Variants in SNTG2 observed in about 807,000 individuals in gnomAD.
SNTG2 encodes gamma-2-syntrophin.
Under a neutral mutation model 70.9 loss-of-function variants are expected in SNTG2, and 74 were observed. The observed-to-expected ratio is 1.04, with a 90% CI of 0.86 to 1.27. The LOEUF is 1.27. SNTG2 is among the 50% of genes most tolerant of loss of function. SNTG2 has a pLI of 0.00. For missense variants in SNTG2, 717 were observed against 690.7 expected (o/e 1.04, Z -0.43); for synonymous variants, 278 against 273.8 (o/e 1.02, Z -0.15).
At chr2:1,046,827 A>G (rs1401283109) in intron 1 of SNTG2, among the ~76,000 whole-genome samples, 1 of 151,974 alleles carries the variant, frequency 6.6e-6, no homozygotes, top group Non-Finnish European at 1.5e-5. Flanking sequence ...TCTGATGACT[A>G]TATGTCTTGG....
At chr2:1,043,848 A>C (rs1230108770) in intron 1 of SNTG2, among the ~76,000 whole-genome samples, 1 of 152,184 alleles carries the variant, frequency 6.6e-6, no homozygotes, top group African/African-American at 2.4e-5. Flanking sequence ...AGGTCATGTG[A>C]TGCCCCCAGG....
intron 6 of SNTG2, among the ~76,000 whole-genome samples, chr2:1,145,466 G>A (rs1669037329): frequency 6.6e-6 from 1 of 152,158 alleles, no homozygotes; most frequent in African/African-American, 2.4e-5. Flanking sequence ...TGGATAAAAT[G>A]CACCAATTCC....
chr2:1,212,064 A>G (rs1460248710), intron 9 of SNTG2, among the ~76,000 whole-genome samples: 1 of 151,998 alleles, frequency 6.6e-6, no homozygotes, highest in Non-Finnish European at 1.5e-5. Flanking sequence ...GCTATCACAC[A>G]CTGATTTGGT....
At chr2:1,019,373 A>G (rs6548173) in intron 1 of SNTG2, among the ~76,000 whole-genome samples, 120,764 of 152,008 alleles carry the variant, frequency 0.79, 48,683 homozygotes, top group African/African-American at 0.84. Flanking sequence ...TGGCAATGTC[A>G]TGCAGGGTTG....
intron 9 of SNTG2, among the ~76,000 whole-genome samples, chr2:1,231,722 C>CT (rs1231614138): frequency 2.0e-5 from 3 of 152,074 alleles, no homozygotes; most frequent in Non-Finnish European, 4.4e-5. Context: ...GGAGTCAGTC[C>CT]TACCAGCAGG....
chr2:1,171,924 C>G (rs1671151546), intron 7 of SNTG2, among the ~76,000 whole-genome samples: 2 of 152,134 alleles, frequency 1.3e-5, no homozygotes, highest in Non-Finnish European at 2.9e-5. Context: ...CTGTCTGCAC[C>G]AAGCGAGGCT....
intron 4 of SNTG2, among the ~76,000 whole-genome samples, chr2:1,113,201 C>T (rs1157523796): frequency 1.4e-5 from 2 of 146,868 alleles, no homozygotes; most frequent in East Asian, 4.2e-4. Context: ...TGAGAAGGAT[C>T]GTGTGTACTG....
At chr2:1,300,179 A>G (rs1413662950) in intron 14 of SNTG2, among the ~76,000 whole-genome samples, 9 of 147,614 alleles carry the variant, frequency 6.1e-5, no homozygotes, top group African/African-American at 2.3e-4. Flanking sequence ...CATGCAAGAC[A>G]GGTGCCTTAA....
chr2:1,075,771 C>CA (rs1359900073), intron 1 of SNTG2, among the ~76,000 whole-genome samples: 5 of 151,882 alleles, frequency 3.3e-5, no homozygotes, highest in African/African-American at 9.7e-5. Context: ...TTTCTTGTGC[C>CA]AAAAAATGGT....
intron 1 of SNTG2, among the ~76,000 whole-genome samples, chr2:1,036,124 A>G (rs550654441): frequency 5.3e-5 from 8 of 152,304 alleles, no homozygotes; most frequent in Admixed American, 4.6e-4. Context: ...CTTACGGTTT[A>G]TTAGCATCAG....
At chr2:983,789 C>T (rs997855488) in intron 1 of SNTG2, among the ~76,000 whole-genome samples, 1 of 152,232 alleles carries the variant, frequency 6.6e-6, no homozygotes, top group African/African-American at 2.4e-5. Flanking sequence ...TCAAGACATA[C>T]TTCTCACTTG....
chr2:1,213,849 C>T (rs1317023679), intron 9 of SNTG2, among the ~76,000 whole-genome samples: 1 of 152,206 alleles, frequency 6.6e-6, no homozygotes, highest in East Asian at 1.9e-4. Context: ...AGTCGTGGAG[C>T]TTTTCCCTAT....
At chr2:964,936 G>T (rs1023383535) in intron 1 of SNTG2, among the ~76,000 whole-genome samples, 4 of 152,060 alleles carry the variant, frequency 2.6e-5, no homozygotes, top group Admixed American at 6.5e-5. Flanking sequence ...TGGCCCTGGG[G>T]CTCCTGTGCC....
intron 8 of SNTG2, among the ~76,000 whole-genome samples, chr2:1,195,085 C>A (rs1441449531): frequency 6.6e-6 from 1 of 152,154 alleles, no homozygotes; most frequent in Non-Finnish European, 1.5e-5. Context: ...GCATAGTACT[C>A]CATGGTATAT....
intron 14 of SNTG2, among the ~76,000 whole-genome samples, chr2:1,304,392 C>T (rs542335790): frequency 7.2e-5 from 11 of 152,284 alleles, no homozygotes; most frequent in African/African-American, 1.4e-4. Flanking sequence ...CTGAGTAGCA[C>T]GGCTGTGGCA....
intron 6 of SNTG2, among the ~76,000 whole-genome samples, chr2:1,149,813 G>A (rs866974650): frequency 1.3e-5 from 2 of 151,480 alleles, no homozygotes; most frequent in Non-Finnish European, 2.9e-5. Context: ...TCAGGCTCCC[G>A]AGTAGCTGGG....
chr2:1,080,807 T>G (rs913144823), intron 1 of SNTG2, among the ~76,000 whole-genome samples: 1 of 152,162 alleles, frequency 6.6e-6, no homozygotes, highest in African/African-American at 2.4e-5. Context: ...GCATGGCTGC[T>G]TCCTGGGTGG....
intron 16 of SNTG2, among the ~76,000 whole-genome samples, chr2:1,319,501 C>T (rs947593835): frequency 2.4e-4 from 36 of 152,204 alleles, no homozygotes; most frequent in Admixed American, 1.9e-3. Flanking sequence ...CCCAAGGCCC[C>T]TCCGTGGCAC....
At position 1,186,176 on chromosome 2, in the gene SNTG2, A is replaced by G. The variant is rs1202036283; in HGVS notation, c.591+12993A>G. Among the ~76,000 whole-genome samples, 3 of 152,320 alleles carry G rather than the reference A, an allele frequency of 2.0e-5. No homozygotes were observed. The South Asian group carries it at 6.2e-4, about 32-fold the overall frequency. On this transcript the variant is annotated intron_variant, in intron 8 of 16. Coordinates refer to ENST00000308624, the MANE Select transcript of SNTG2 (RefSeq NM_018968.4). The stretch of plus-strand genomic sequence containing the variant: ...CCAACCTCTTTGCTATAAGTGTAAC[A>G]AAAGTGATGACCTTTGCTACTGTTT...
Sources: gnomAD v4.1 joint callset for allele counts (sites outside exome capture counted in the v4.1 genomes callset) on GRCh38, gnomAD v4.1.1 for gene constraint, MANE v1.5 for transcripts, NCBI Gene and HGNC (gene_info 2026-07-23, HGNC 2026-07-21) for gene names.